The following ERC1 variants were observed in gnomAD, a reference collection of about 807,000 sequenced individuals.
The protein encoded by ERC1 is ELKS/RAB6-interacting/CAST family member 1, also known as RAB6 interacting protein 2.
In ERC1, 56 loss-of-function variants were observed where a neutral mutation model predicts 132.0. That is an observed-to-expected ratio of 0.42 (90% CI 0.34 to 0.53). The LOEUF (loss-of-function observed/expected upper bound fraction) is 0.53. Ranked by LOEUF, ERC1 falls within the 20% of genes least tolerant of loss-of-function variation. ERC1 has a pLI of 0.03. For synonymous variants in ERC1, 478 were observed against 476.1 expected, an observed-to-expected ratio of 1.00 and a Z score of -0.05; for missense variants, 1,202 against 1,349.9, an observed-to-expected ratio of 0.89 and a Z score of 1.72.
At chr12:1,019,228 A>G (rs958277880) in intron 1 of ERC1, among the ~76,000 whole-genome samples, 5 of 152,140 alleles carry the variant, frequency 3.3e-5, no homozygotes, top group Admixed American at 1.3e-4. Context: ...GGCTGAAGTT[A>G]CCTTCCCACC....
chr12:1,408,782 T>G (rs575639225), intron 17 of ERC1, among the ~76,000 whole-genome samples: 14 of 152,342 alleles, frequency 9.2e-5, no homozygotes, highest in South Asian at 6.2e-4. Context: ...ATTGTTGCCT[T>G]CAACTTCTCA....
chr12:1,025,804 T>G (rs1364764116), intron 1 of ERC1, among the ~76,000 whole-genome samples: 6 of 149,662 alleles, frequency 4.0e-5, no homozygotes, highest in Non-Finnish European at 7.4e-5. Flanking sequence ...GTTTTTTTTT[T>G]TTTTTTTTTT....
At chr12:1,150,651 T>C (rs533698157) in intron 8 of ERC1, among the ~76,000 whole-genome samples, 11 of 152,270 alleles carry the variant, frequency 7.2e-5, no homozygotes, top group African/African-American at 2.4e-4. Flanking sequence ...CTTGATATGA[T>C]CAATGATACT....
At chr12:1,394,274 C>T (rs908532979) in intron 16 of ERC1, among the ~76,000 whole-genome samples, 3 of 151,346 alleles carry the variant, frequency 2.0e-5, no homozygotes, top group Admixed American at 6.6e-5. Flanking sequence ...GTGGCGGGCT[C>T]CTGTAGTCCC....
intron 3 of ERC1, among the ~76,000 whole-genome samples, chr12:1,095,948 T>TTTG (rs1555238309): frequency 1.4e-5 from 2 of 144,424 alleles, no homozygotes; most frequent in African/African-American, 5.1e-5. Context: ...TTTTTTTTTT[T>TTTG]GAGATAGGGT....
At chr12:1,214,965 A>G (rs1958257195) in intron 12 of ERC1, among the ~76,000 whole-genome samples, 1 of 152,152 alleles carries the variant, frequency 6.6e-6, no homozygotes, top group Non-Finnish European at 1.5e-5. Context: ...CCACTCTACC[A>G]TTTGTATTCC....
intron 8 of ERC1, among the ~76,000 whole-genome samples, chr12:1,154,575 A>G (rs886249806): frequency 6.6e-6 from 1 of 152,138 alleles, no homozygotes; most frequent in Non-Finnish European, 1.5e-5. Context: ...AATGGACTTA[A>G]TTAAACTAAA....
intron 16 of ERC1, among the ~76,000 whole-genome samples, chr12:1,376,951 T>C (rs1247416820): frequency 6.6e-6 from 1 of 152,198 alleles, no homozygotes; most frequent in East Asian, 1.9e-4. Flanking sequence ...CCAGCACTAC[T>C]TCCTTGAGAT....
intron 18 of ERC1, among the ~76,000 whole-genome samples, chr12:1,452,484 A>G (rs1168026585): frequency 6.6e-6 from 1 of 152,126 alleles, no homozygotes; most frequent in Non-Finnish European, 1.5e-5. Context: ...GTTGTCTTTC[A>G]TTAATTTTGG....
At chr12:1,486,364 T>G (rs561026050) in intron 18 of ERC1, among the ~76,000 whole-genome samples, 6 of 137,630 alleles carry the variant, frequency 4.4e-5, no homozygotes, top group Admixed American at 2.7e-4. Flanking sequence ...TTTTTTCTTG[T>G]TTTTTTTTCT....
chr12:1,220,346 T>TATTTAACAAG (rs1477969106), intron 12 of ERC1, among the ~76,000 whole-genome samples: 30 of 152,212 alleles, frequency 2.0e-4, no homozygotes, highest in Non-Finnish European at 3.7e-4. Flanking sequence ...TTTTCTTCCT[T>TATTTAACAAG]AGCTGTATTT....
chr12:1,380,543 C>T (rs1464039527), intron 16 of ERC1: 1 of 152,248 alleles, frequency 6.6e-6, no homozygotes, highest in Non-Finnish European at 1.5e-5. Flanking sequence ...TTAGCTAAGG[C>T]AAAGGGGACT....
intron 15 of ERC1, among the ~76,000 whole-genome samples, chr12:1,313,650 A>G (rs1489118379): frequency 1.3e-5 from 2 of 152,278 alleles, no homozygotes; most frequent in Middle Eastern, 3.4e-3. Context: ...GATTTATCCT[A>G]TGACGTTTCA....
chr12:1,200,300 C>T (rs746958146), intron 12 of ERC1, among the ~76,000 whole-genome samples: 15 of 151,962 alleles, frequency 9.9e-5, no homozygotes, highest in Non-Finnish European at 2.2e-4. Flanking sequence ...TTTTCTTATT[C>T]TTTTCTCTTT....
chr12:1,476,942 TTTATC>T (rs1245447075), intron 18 of ERC1, among the ~76,000 whole-genome samples: 16 of 152,204 alleles, frequency 1.1e-4, no homozygotes, highest in African/African-American at 3.6e-4. Flanking sequence ...AGAAGAATAT[TTTATC>T]ACATGAAAAG....
At chr12:1,410,027 T>C (rs528790699) in intron 17 of ERC1, among the ~76,000 whole-genome samples, 155 of 152,278 alleles carry the variant, frequency 1.0e-3, no homozygotes, top group Non-Finnish European at 1.8e-3. Flanking sequence ...ATACTTTAAA[T>C]CATCTCTAGA....
chr12:1,083,878 T>C (rs919075005), intron 3 of ERC1, among the ~76,000 whole-genome samples: 1 of 152,228 alleles, frequency 6.6e-6, no homozygotes, highest in South Asian at 2.1e-4. Context: ...TTCACTCATC[T>C]CTAGATCTGT....
intron 13 of ERC1, among the ~76,000 whole-genome samples, chr12:1,253,988 G>A (rs1164524904): frequency 3.9e-5 from 6 of 152,106 alleles, no homozygotes; most frequent in East Asian, 1.9e-4. Flanking sequence ...ACCTCCTGCC[G>A]TGAACCCTGT....
chr12:1,420,038 G>A (rs2092360496), intron 17 of ERC1, among the ~76,000 whole-genome samples: 1 of 151,864 alleles, frequency 6.6e-6, no homozygotes, highest in Admixed American at 6.6e-5. Context: ...TTGGGAACCG[G>A]GCTTATTTGT....
Sources: gnomAD v4.1 joint callset for allele counts (sites outside exome capture counted in the v4.1 genomes callset) on GRCh38, gnomAD v4.1.1 for gene constraint, MANE v1.5 for transcripts, NCBI Gene and HGNC (gene_info 2026-07-23, HGNC 2026-07-21) for gene names.